The following TOLLIP variants were observed in gnomAD, a reference collection of about 807,000 sequenced individuals.
TOLLIP encodes toll-interacting protein.
Under a neutral mutation model 33.5 loss-of-function variants are expected in TOLLIP, and 16 were observed. The observed-to-expected ratio is 0.48, with a 90% confidence interval of 0.32 to 0.72. The LOEUF (loss-of-function observed/expected upper bound fraction) is 0.72, where lower values mean the gene tolerates loss of function less well. Among genes scored for constraint, TOLLIP ranks in the 30% least tolerant of loss-of-function variants. The pLI is 0.03. For synonymous variants in TOLLIP, 176 were observed against 163.7 expected (o/e 1.07, Z -0.57); for missense variants, 325 against 396.6 (o/e 0.82, Z 1.53).
chr11:1,280,293 C>A (rs922010681), intron 5 of TOLLIP, among the ~76,000 whole-genome samples: 1 of 152,230 alleles, frequency 6.6e-6, no homozygotes, highest in African/African-American at 2.4e-5. Context: ...GCGCTGCGAA[C>A]GCCGGCTGCT....
At chr11:1,307,361 C>G (rs1166467206) in intron 1 of TOLLIP, among the ~76,000 whole-genome samples, 2 of 152,212 alleles carry the variant, frequency 1.3e-5, no homozygotes, top group Non-Finnish European at 2.9e-5. Context: ...CACTTGCCAG[C>G]ACAGGCCCTG....
intron 4 of TOLLIP, among the ~76,000 whole-genome samples, chr11:1,286,982 C>T (rs188438557): frequency 4.6e-5 from 7 of 151,730 alleles, no homozygotes; most frequent in East Asian, 1.9e-4. Context: ...GTCACTGCAC[C>T]GCGGTTGTCT....
chr11:1,300,110 T>G (rs1038384979), intron 1 of TOLLIP, among the ~76,000 whole-genome samples: 2 of 152,224 alleles, frequency 1.3e-5, no homozygotes, highest in African/African-American at 4.8e-5. Context: ...AAAACATTCG[T>G]GAATTACTTT....
rs1863389463 is a variant in TOLLIP at position 1,278,670 on chromosome 11, C to T, written c.611-1417G>A. On this transcript the variant is annotated intron_variant, in intron 5 of 5. Coordinates refer to ENST00000317204, the MANE Select transcript of TOLLIP (RefSeq NM_019009.4). This position sits in a 1 kb window ranked among gnomAD's most constrained non-coding sequence, Gnocchi z 4.7. ...GGCCCACCTTTCCTCCACACCCACACCTGCCTCTTGTCCTGGCCACTGGAC... is the reference window on the plus strand; with the variant it reads ...GGCCCACCTTTCCTCCACACCCACATCTGCCTCTTGTCCTGGCCACTGGAC... Among the ~76,000 whole-genome samples the T allele has an allele frequency of 6.6e-6, 1 of 152,216 alleles. No individual in the cohort carries two copies. The highest frequency in any genetic ancestry group is 1.5e-5 in the Non-Finnish European group (1 of 68,036).
At chr11:1,299,343 G>C (rs1006069651) in intron 1 of TOLLIP, among the ~76,000 whole-genome samples, 4 of 152,142 alleles carry the variant, frequency 2.6e-5, no homozygotes, top group East Asian at 1.9e-4. Flanking sequence ...CAATGCCCTC[G>C]TTTCTCAACT....
intron 1 of TOLLIP, among the ~76,000 whole-genome samples, chr11:1,309,209 C>A (rs1864517095): frequency 6.6e-6 from 1 of 152,204 alleles, no homozygotes; most frequent in Non-Finnish European, 1.5e-5. Context: ...GCCCCCTCCC[C>A]CGGGGCTGCC....
At chr11:1,284,745 C>T (rs751122359) in intron 5 of TOLLIP, among the ~76,000 whole-genome samples, 5 of 152,186 alleles carry the variant, frequency 3.3e-5, no homozygotes, top group African/African-American at 4.8e-5. Context: ...CTGGCACCTG[C>T]GCGGGCGGCT....
chr11:1,282,953 A>G (rs1004135318), intron 5 of TOLLIP, among the ~76,000 whole-genome samples: 3 of 152,054 alleles, frequency 2.0e-5, no homozygotes, highest in African/African-American at 7.2e-5. Context: ...AAATAAATAA[A>G]TAAATAAAAT....
At chr11:1,287,384 TCC>T (rs1863750281) in intron 4 of TOLLIP, among the ~76,000 whole-genome samples, 1 of 125,140 alleles carries the variant, frequency 8.0e-6, no homozygotes, top group African/African-American at 3.4e-5. Context: ...GAAAAGCAGC[TCC>T]CTGCTGCTGC....
chr11:1,288,170 C>T (rs1021276269), intron 4 of TOLLIP, among the ~76,000 whole-genome samples: 13 of 152,148 alleles, frequency 8.5e-5, no homozygotes, highest in African/African-American at 1.9e-4. Context: ...CAGGCTTCCC[C>T]GACATCTCCA....
intron 4 of TOLLIP, among the ~76,000 whole-genome samples, chr11:1,288,334 AGGGGCCTGCAGTG>A (rs1433720709): frequency 2.8e-4 from 43 of 152,192 alleles, no homozygotes; most frequent in Non-Finnish European, 2.9e-5. Context: ...CCGAGGACAC[AGGGGCCTGCAGTG>A]GAGACCACCA....
intron 1 of TOLLIP, among the ~76,000 whole-genome samples, chr11:1,305,213 A>T (rs1195619932): frequency 6.6e-6 from 1 of 152,244 alleles, no homozygotes; most frequent in Admixed American, 6.5e-5. Flanking sequence ...AACCCGGCCT[A>T]AAAAATCCAG....
intron 1 of TOLLIP, among the ~76,000 whole-genome samples, chr11:1,305,437 C>T (rs1864398814): frequency 6.6e-6 from 1 of 152,224 alleles, no homozygotes; most frequent in African/African-American, 2.4e-5. Context: ...AAAGCCCACA[C>T]ACATCTACAA....
At chr11:1,283,393 C>A in intron 5 of TOLLIP, 1 of 369,354 alleles carries the variant, frequency 2.7e-6, no homozygotes, top group Non-Finnish European at 5.3e-6. Flanking sequence ...AGGGTACAGC[C>A]CCAACGCGTC....
rs781671896 is a variant in TOLLIP, at chr11:1,288,690, C to T, written c.453G>A (p.Trp151Ter). Residue 151 changes from tryptophan to a stop codon, truncating the protein, a stop_gained, in exon 4 of 6, where the codon TGG becomes TGA. Coordinates refer to ENST00000317204, the MANE Select transcript of TOLLIP (RefSeq NM_019009.4). LOFTEE classifies it high-confidence loss of function. Reference protein sequence around the residue: ...SLRQGKVEDKWYSLSGRQGDD... With the variant: ...SLRQGKVEDK ...CCCCCTGCCTCCCGCTCAGGCTGTACCACTTGTCCTCCACCTTGCCCTGCC... is the reference window on the plus strand; with the variant it reads ...CCCCCTGCCTCCCGCTCAGGCTGTATCACTTGTCCTCCACCTTGCCCTGCC... The T allele has an allele frequency of 1.2e-6, 2 of 1,612,938 alleles. No homozygotes were observed. Among genetic ancestry groups the T allele is most frequent in the African/African-American group, 1.3e-5 (1 of 75,068 alleles).
Position 1,286,074 on chromosome 11 carries a change from C to T in TOLLIP, c.538G>A (p.Val180Met). 3 of 1,598,160 alleles carry T rather than the reference C, an allele frequency of 1.9e-6. No individual in the cohort carries two copies. The highest frequency in any genetic ancestry group is 1.7e-4 in the Middle Eastern group (1 of 6,042). ...MSYALLPAAM[V>M]MPPQPVVLMP... The stretch of plus-strand genomic sequence containing the variant: ...AGGACCACGGGCTGGGGTGGCATCA[C>T]CATGGCAGCTGGAAGCAGCTGAAAC... Residue 180 changes from valine to methionine, a missense_variant, in exon 5 of 6, where the codon GTG (valine) becomes ATG (methionine). Val to Met is a conservative substitution (Grantham distance 21, BLOSUM62 1). Transcript: ENST00000317204.
intron 2 of TOLLIP, among the ~76,000 whole-genome samples, chr11:1,293,901 C>A (rs1864027710): frequency 6.6e-6 from 1 of 152,232 alleles, no homozygotes; most frequent in Non-Finnish European, 1.5e-5. Context: ...GCCACACCAG[C>A]ACAGTAACAG....
intron 1 of TOLLIP, among the ~76,000 whole-genome samples, chr11:1,304,805 A>C (rs950126343): frequency 6.6e-6 from 1 of 152,228 alleles, no homozygotes; most frequent in Non-Finnish European, 1.5e-5. Flanking sequence ...AGAGAAAAAA[A>C]ATAAGAAAAT....
chr11:1,276,817 C>T lies in TOLLIP; in HGVS notation c.*222G>A. On this transcript the variant is annotated 3_prime_UTR_variant, in exon 6 of 6. Transcript: ENST00000317204. ...GGACAGGAGAGCGCGCTGAGACCTCCCAGCACGAGATGGGAGGGGAGCCCC... is the reference window on the plus strand; with the variant it reads ...GGACAGGAGAGCGCGCTGAGACCTCTCAGCACGAGATGGGAGGGGAGCCCC... 6.5e-7 allele frequency: 1 copy of T among 1,529,316 alleles called. No homozygotes were observed. Among genetic ancestry groups the T allele is most frequent in the Non-Finnish European group, 8.7e-7 (1 of 1,142,968 alleles). 94.7% of individuals were successfully genotyped at this position (1,529,316 alleles called of 1,614,324 possible). A position where few individuals can be genotyped will look rare whatever the true frequency, so the allele number is the denominator to read the frequency against.
Sources: gnomAD v4.1 joint callset for allele counts (sites outside exome capture counted in the v4.1 genomes callset) on GRCh38, gnomAD v4.1.1 for gene constraint, Gnocchi (gnomAD v3.1) non-coding constraint, MANE v1.5 for transcripts, NCBI Gene and HGNC (gene_info 2026-07-23, HGNC 2026-07-21) for gene names.